The following STIMATE variants were observed in gnomAD, a reference collection of about 807,000 sequenced individuals.
The protein encoded by STIMATE is STIM activating enhancer, also known as store-operated calcium entry regulator STIMATE.
In STIMATE, 15 loss-of-function variants were observed where a neutral mutation model predicts 36.7. That is an observed-to-expected ratio of 0.41 (90% CI 0.27 to 0.63). The LOEUF (loss-of-function observed/expected upper bound fraction) is 0.63. Among genes scored for constraint, STIMATE ranks in the 20% least tolerant of loss-of-function variants. The pLI, the probability that STIMATE is intolerant of heterozygous loss-of-function variation, is 0.32. For missense variants in STIMATE, 305 were observed against 397.3 expected (o/e 0.77, Z 1.98); for synonymous variants, 163 against 162.3 (o/e 1.00, Z -0.03).
At chr3:52,891,177 A>C (rs754873044) in intron 1 of STIMATE, among the ~76,000 whole-genome samples, 3 of 152,234 alleles carry the variant, frequency 2.0e-5, no homozygotes, top group Non-Finnish European at 4.4e-5. Flanking sequence ...AGTAATCAGA[A>C]AGTGAACCTG....
At chr3:52,887,362 A>C (rs554694131) in intron 1 of STIMATE, among the ~76,000 whole-genome samples, 2 of 152,352 alleles carry the variant, frequency 1.3e-5, no homozygotes, top group East Asian at 3.9e-4. Context: ...GTGTGCCAGC[A>C]CAGCCTGGCT....
At chr3:52,875,271 A>G (rs1701482566) in intron 1 of STIMATE, among the ~76,000 whole-genome samples, 1 of 152,214 alleles carries the variant, frequency 6.6e-6, no homozygotes, top group Non-Finnish European at 1.5e-5. Context: ...TCTTTACCCA[A>G]AGAACTGACC....
chr3:52,865,350 C>T (rs1047805113), intron 1 of STIMATE, among the ~76,000 whole-genome samples: 3 of 152,202 alleles, frequency 2.0e-5, no homozygotes, highest in African/African-American at 7.2e-5. Flanking sequence ...TTCAAAGTTG[C>T]TTCCACATTT....
intron 1 of STIMATE, among the ~76,000 whole-genome samples, chr3:52,879,387 C>T (rs1986656): frequency 0.089 from 13,616 of 152,192 alleles, 769 homozygotes; most frequent in Non-Finnish European, 0.13. Flanking sequence ...CCTACTTGGC[C>T]GGCAGTGGGA....
rs200994144 is a variant in STIMATE, at chr3:52,843,697, A to C, written c.618+24T>G. On this transcript the variant is annotated intron_variant, in intron 6 of 7. Coordinates refer to ENST00000355083, the MANE Select transcript of STIMATE (RefSeq NM_198563.5). ...CCTGCCAGACAGGGAGCAAATCGGGATAAAAATGCAACATGGCACTGACGT... is the reference window on the plus strand; with the variant it reads ...CCTGCCAGACAGGGAGCAAATCGGGCTAAAAATGCAACATGGCACTGACGT... 1.2e-5 allele frequency: 19 copies of C among 1,614,014 alleles called. 1 individual carries two copies. In the South Asian group the frequency reaches 1.5e-4, roughly 13 times the overall value.
At chr3:52,843,900 G>A (rs1700851493) in intron 5 of STIMATE, 102 bp from the exon 6 acceptor site, 2 of 1,508,630 alleles carry the variant, frequency 1.3e-6, no homozygotes, top group African/African-American at 1.4e-5. Flanking sequence ...CTTAGCTTAA[G>A]ACGCTTCCTC....
Position 52,839,190 on chromosome 3 carries a change from T to TC in STIMATE, c.*1303dup, listed in dbSNP as rs1295451816. The stretch of plus-strand genomic sequence containing the variant: ...CCTGTGGTTTAGAGAGTGAGCTCTC[T>TC]CACCCCTGCCTCCCTTAGCCACCTC... On this transcript the variant is annotated 3_prime_UTR_variant, in exon 8 of 8. Coordinates refer to ENST00000355083, the MANE Select transcript of STIMATE (RefSeq NM_198563.5). The TC allele has an allele frequency of 6.6e-6, 1 of 152,272 alleles. No homozygotes were observed. Among genetic ancestry groups the TC allele is most frequent in the Non-Finnish European group, 1.5e-5 (1 of 68,064 alleles). 9.4% of individuals were successfully genotyped at this position (152,272 alleles called of 1,614,324 possible). A position where few individuals can be genotyped will look rare whatever the true frequency, so the allele number is the denominator to read the frequency against.
intron 1 of STIMATE, among the ~76,000 whole-genome samples, chr3:52,895,001 G>A (rs958238262): frequency 6.6e-6 from 1 of 152,236 alleles, no homozygotes; most frequent in Non-Finnish European, 1.5e-5. Flanking sequence ...GGGCTGCGAG[G>A]GGGACCCTCG....
chr3:52,868,818 C>T (rs1410174991), intron 1 of STIMATE, among the ~76,000 whole-genome samples: 2 of 152,102 alleles, frequency 1.3e-5, no homozygotes, highest in Admixed American at 6.5e-5. Flanking sequence ...CAAGGTTTTA[C>T]CGTGTTGTCT....
At chr3:52,842,776 C>T (rs774963585) in intron 7 of STIMATE, 35 bp downstream of exon 7, 57 of 1,612,884 alleles carry the variant, frequency 3.5e-5, no homozygotes, top group African/African-American at 2.0e-4. Context: ...AGCGATACGA[C>T]GGCTTGGGCC....
At chr3:52,882,347 C>T (rs2336667) in intron 1 of STIMATE, among the ~76,000 whole-genome samples, 87,922 of 152,068 alleles carry the variant, frequency 0.58, 25,846 homozygotes, top group Middle Eastern at 0.64. Flanking sequence ...GCACATTCTA[C>T]TGGTCTCGTA....
At position 52,842,872 on chromosome 3, in the gene STIMATE, G is replaced by A. The variant is rs372273911; in HGVS notation, c.707C>T (p.Ser236Leu). Residue 236 changes from serine to leucine, a missense_variant, in exon 7 of 8, where the codon TCG becomes TTG. Physicochemically the swap from Ser to Leu is moderately radical, Grantham distance 145. Transcript: ENST00000355083. ...KLEERGANQD[S>L]RNGSKVRYRR... ...GTAGCGGACCTTGCTCCCATTCCTC[G>A]AGTCCTGGTTGGCTCCCCTTTCTTC... The A allele has an allele frequency of 3.8e-5, 62 of 1,614,096 alleles. No homozygotes were observed. Among genetic ancestry groups the A allele is most frequent in the Admixed American group, 6.7e-5 (4 of 60,006 alleles).
chr3:52,874,726 T>G (rs1249858248), intron 1 of STIMATE, among the ~76,000 whole-genome samples: 3 of 152,006 alleles, frequency 2.0e-5, no homozygotes, highest in African/African-American at 7.3e-5. Context: ...CTGGGCGTGG[T>G]GGCTACTCGT....
intron 3 of STIMATE, among the ~76,000 whole-genome samples, chr3:52,851,808 T>A (rs540541702): frequency 8.5e-6 from 1 of 117,620 alleles, no homozygotes; most frequent in East Asian, 2.7e-4. Flanking sequence ...CTATGTTCCA[T>A]CCTCAACACA....
chr3:52,875,010 G>A (rs984543366), intron 1 of STIMATE, among the ~76,000 whole-genome samples: 7 of 152,168 alleles, frequency 4.6e-5, no homozygotes, highest in African/African-American at 9.7e-5. Context: ...CAGAACTCAC[G>A]AGAGACGGAA....
chr3:52,847,082 T>A, intron 4 of STIMATE: 1 of 376,134 alleles, frequency 2.7e-6, no homozygotes, highest in Non-Finnish European at 3.7e-6. Context: ...AAAAAAAATT[T>A]TTTTTTTTGT....
At chr3:52,889,173 G>T (rs1033029510) in intron 1 of STIMATE, among the ~76,000 whole-genome samples, 4 of 152,186 alleles carry the variant, frequency 2.6e-5, no homozygotes, top group African/African-American at 7.2e-5. Flanking sequence ...GCACTAAGGC[G>T]ACTTCGATGC....
intron 1 of STIMATE, among the ~76,000 whole-genome samples, chr3:52,892,104 C>CA (rs1388172336): frequency 6.6e-6 from 1 of 152,174 alleles, no homozygotes. Flanking sequence ...ACCCCTTCAA[C>CA]AAATCTTCAT....
chr3:52,850,497 G>A (rs1439159977), intron 3 of STIMATE, among the ~76,000 whole-genome samples: 1 of 152,178 alleles, frequency 6.6e-6, no homozygotes, highest in Non-Finnish European at 1.5e-5. Flanking sequence ...GGAAGACAGA[G>A]TACCTGGAAG....
Sources: allele counts gnomAD v4.1 joint callset (sites outside exome capture counted in the v4.1 genomes callset), GRCh38; gene constraint gnomAD v4.1.1; transcripts MANE v1.5; gene names NCBI Gene and HGNC (gene_info 2026-07-23, HGNC 2026-07-21).